Variants in GYPB observed in about 807,000 individuals in gnomAD.
GYPB encodes the protein glycophorin-B.
A neutral mutation model predicts 15.3 loss-of-function variants in GYPB; 13 were observed. The ratio of observed to expected loss-of-function variants is 0.85; its 90% CI spans 0.55 to 1.35. The LOEUF is 1.35. Ranked by LOEUF, GYPB falls within the 40% of genes most tolerant of loss-of-function variation. The pLI, the probability that GYPB is intolerant of heterozygous loss-of-function variation, is 0.00. For synonymous variants in GYPB, 38 were observed against 36.9 expected (o/e 1.03, Z -0.11); for missense variants, 131 against 108.3 (o/e 1.21, Z -0.93).
rs981573702 is a variant in GYPB at position 144,008,379 on chromosome 4, G to A, written c.38-7096C>T. Reference sequence around the variant, plus strand: ...TCAGGGCTAAATGAAGAGATATAAAGATAATAATTCACCTTGTTTATAGCC... The same window carrying A: ...TCAGGGCTAAATGAAGAGATATAAAAATAATAATTCACCTTGTTTATAGCC... On this transcript the variant is annotated intron_variant, in intron 1 of 4. Transcript: ENST00000502664. 14 of 455,118 alleles carry A rather than the reference G, an allele frequency of 3.1e-5. No individual in the cohort carries two copies. The Admixed American group carries it at 3.3e-4, about 11-fold the overall frequency. 28.2% of individuals were successfully genotyped at this position (455,118 alleles called of 1,614,324 possible).
rs1376418237 is a variant in GYPB at position 143,999,343 on chromosome 4, G to A, written c.175+68C>T. On this transcript the variant is annotated intron_variant, in intron 3 of 4. Transcript: ENST00000502664. ...TTTTAAGATAGACACATTTTCTTAGGCATTTGAAACAAGCAATGGATAGTT... is the reference window on the plus strand; with the variant it reads ...TTTTAAGATAGACACATTTTCTTAGACATTTGAAACAAGCAATGGATAGTT... 4 of 793,838 alleles carry A rather than the reference G, an allele frequency of 5.0e-6. No homozygotes were observed. The Admixed American group carries it at 8.6e-5, about 17-fold the overall frequency. The allele number at this position is 793,838 out of a possible 1,614,324, so 49.2% of individuals were successfully genotyped here. A position where few individuals can be genotyped will look rare whatever the true frequency, so the allele number is the denominator to read the frequency against.
intron 3 of GYPB, among the ~76,000 whole-genome samples, chr4:143,998,081 AACAGTTT>A (rs1727423291): frequency 2.6e-5 from 4 of 151,582 alleles, no homozygotes; most frequent in African/African-American, 9.8e-5. Flanking sequence ...AACTGGTATA[AACAGTTT>A]ACAAATGAAG....
chr4:144,015,691 G>T (rs1169678441), intron 1 of GYPB, among the ~76,000 whole-genome samples: 2 of 151,308 alleles, frequency 1.3e-5, no homozygotes, highest in Non-Finnish European at 2.9e-5. Flanking sequence ...GACCTTTTCT[G>T]CAAAGGAGTT....
chr4:144,002,605 G>A lies in GYPB; in HGVS notation c.38-1322C>T, dbSNP rs191386221. On this transcript the variant is annotated intron_variant, in intron 1 of 4. Coordinates refer to ENST00000502664, the MANE Select transcript of GYPB (RefSeq NM_002100.6). ...TCTCTTGGAGACATTCAAATGAGGG[G>A]AATGGCACCCAAGTGCAGTGGAGTG... 9.6e-5 allele frequency: 123 copies of A among 1,286,974 alleles called. No individual in the cohort carries two copies. The East Asian group carries it at 6.5e-3, about 68-fold the overall frequency. 79.7% of individuals were successfully genotyped at this position (1,286,974 alleles called of 1,614,324 possible).
At chr4:144,002,830 T>C in intron 1 of GYPB, 1 of 431,124 alleles carries the variant, frequency 2.3e-6, no homozygotes, top group Admixed American at 3.0e-5. Flanking sequence ...GGAGAAGACA[T>C]GATCTATTGT....
intron 1 of GYPB, among the ~76,000 whole-genome samples, chr4:144,007,004 G>A (rs1429038050): frequency 2.7e-5 from 4 of 150,410 alleles, no homozygotes; most frequent in Admixed American, 6.6e-5. Context: ...TTAAGGGAAC[G>A]ATTTTGTTTG....
At position 143,997,592 on chromosome 4, in the gene GYPB, C is replaced by T. The variant is rs762860304; in HGVS notation, c.218G>A (p.Gly73Asp). Residue 73 changes from glycine to aspartate, a missense_variant, in exon 4 of 5, where the codon GGT becomes GAT. Coordinates refer to ENST00000502664, the MANE Select transcript of GYPB (RefSeq NM_002100.6). ...AATTAAGAGGATCGTTCCAATAATACCAGCCATCACACACAAAATAATGAG... is the reference window on the plus strand; with the variant it reads ...AATTAAGAGGATCGTTCCAATAATATCAGCCATCACACACAAAATAATGAG... The part of the protein sequence containing the change: ...IILIILCVMA[G>D]IIGTILLISY... The T allele has an allele frequency of 1.3e-6, 2 of 1,598,520 alleles. No homozygotes were observed. The highest frequency in any genetic ancestry group is 1.7e-6 in the Non-Finnish European group (2 of 1,168,180).
At chr4:144,012,225 C>A (rs538400765) in intron 1 of GYPB, among the ~76,000 whole-genome samples, 2 of 151,660 alleles carry the variant, frequency 1.3e-5, no homozygotes, top group African/African-American at 4.9e-5. Flanking sequence ...GTAAGAGTAA[C>A]GGAGCCAATC....
At chr4:143,999,030 C>A (rs1030006837) in intron 3 of GYPB, among the ~76,000 whole-genome samples, 3 of 151,084 alleles carry the variant, frequency 2.0e-5, no homozygotes, top group African/African-American at 7.4e-5. Flanking sequence ...CCTCAGCCAG[C>A]CTCCCAAGCA....
chr4:144,004,020 T>G (rs1274029547), intron 1 of GYPB, among the ~76,000 whole-genome samples: 1 of 151,492 alleles, frequency 6.6e-6, no homozygotes, highest in Non-Finnish European at 1.5e-5. Context: ...TTGTATACAC[T>G]TTATCCAAGT....
intron 1 of GYPB, 113 bp from the exon 2 acceptor site, chr4:144,001,396 G>T: frequency 6.4e-7 from 1 of 1,554,684 alleles, no homozygotes. Flanking sequence ...TGAGCTAAGC[G>T]CTTTAGTATA....
chr4:144,017,066 C>T (rs898261923), intron 1 of GYPB, among the ~76,000 whole-genome samples: 1 of 150,672 alleles, frequency 6.6e-6, no homozygotes, highest in Non-Finnish European at 1.5e-5. Flanking sequence ...TATCTGCATT[C>T]CCTCCCACCA....
At chr4:144,002,697 G>A (rs1344353786) in intron 1 of GYPB, 1 of 1,286,404 alleles carries the variant, frequency 7.8e-7, no homozygotes, top group Non-Finnish European at 1.0e-6. Flanking sequence ...AAAGTTTCCT[G>A]GAGAGCACAC....
rs1280188808 is a variant in GYPB at position 144,018,433 on chromosome 4, T to A, written c.37+818A>T. ...TCCTTGATACTTGCGCTCACTTGGG[T>A]TACAGCAATGTCTAATAGACTCAGA... On this transcript the variant is annotated intron_variant, in intron 1 of 4. Coordinates refer to ENST00000502664, the MANE Select transcript of GYPB (RefSeq NM_002100.6). Among the ~76,000 whole-genome samples, 48 of 151,106 alleles carry A rather than the reference T, an allele frequency of 3.2e-4. 1 individual carries two copies. Among genetic ancestry groups the A allele is most frequent in the African/African-American group, 7.4e-4 (30 of 40,522 alleles).
At chr4:144,016,498 A>G (rs550524655) in intron 1 of GYPB, among the ~76,000 whole-genome samples, 14 of 150,276 alleles carry the variant, frequency 9.3e-5, no homozygotes, top group South Asian at 4.2e-4. Context: ...TATTCAACCA[A>G]TATGCTACTA....
At chr4:143,999,241 T>C (rs1335103050) in intron 3 of GYPB, 170 bp downstream of exon 3, 1 of 547,596 alleles carries the variant, frequency 1.8e-6, no homozygotes, top group East Asian at 3.6e-5. Context: ...GAAATGCCTA[T>C]TTTAATTTTA....
intron 1 of GYPB, among the ~76,000 whole-genome samples, chr4:144,015,283 T>G (rs1016130505): frequency 6.6e-6 from 1 of 151,408 alleles, no homozygotes; most frequent in African/African-American, 2.5e-5. Flanking sequence ...GAATTTTTTT[T>G]CAAGATTTTT....
chr4:144,000,384 GT>G, intron 2 of GYPB: 1 of 970,982 alleles, frequency 1.0e-6, no homozygotes, highest in Non-Finnish European at 1.3e-6. Flanking sequence ...AGAACATAAC[GT>G]TTTTCTTTTC....
intron 1 of GYPB, among the ~76,000 whole-genome samples, chr4:144,017,093 TC>T (rs1728541578): frequency 6.6e-6 from 1 of 150,932 alleles, no homozygotes; most frequent in South Asian, 2.1e-4. Context: ...GCTCCCACCC[TC>T]CGTGTATCCT....
Sources: gnomAD v4.1 joint callset for allele counts (sites outside exome capture counted in the v4.1 genomes callset) on GRCh38, gnomAD v4.1.1 for gene constraint, MANE v1.5 for transcripts, NCBI Gene and HGNC (gene_info 2026-07-23, HGNC 2026-07-21) for gene names.